The following DNM3 variants were observed in gnomAD, a reference collection of about 807,000 sequenced individuals.
The protein encoded by DNM3 is dynamin-3.
DNM3 carries 47 observed loss-of-function variants against 101.6 expected under a neutral mutation model. That is an observed-to-expected ratio of 0.46 (90% CI 0.37 to 0.59). DNM3 has a LOEUF of 0.59. Ranked by LOEUF, DNM3 falls within the 20% of genes least tolerant of loss-of-function variation. DNM3 has a pLI of 0.00. For missense variants in DNM3, 849 were observed against 1,085.7 expected (o/e 0.78, Z 3.06); for synonymous variants, 385 against 387.9 (o/e 0.99, Z 0.09).
chr1:171,968,607 T>C (rs1405644501), intron 2 of DNM3, among the ~76,000 whole-genome samples: 2 of 152,156 alleles, frequency 1.3e-5, no homozygotes, highest in Non-Finnish European at 2.9e-5. Context: ...AATAACTTAG[T>C]GTTGGCTTGG....
chr1:172,088,749 T>C (rs1379584637), intron 12 of DNM3, among the ~76,000 whole-genome samples: 2 of 152,208 alleles, frequency 1.3e-5, no homozygotes, highest in Non-Finnish European at 2.9e-5. Flanking sequence ...GTTCAGATCA[T>C]ATCATCTGAA....
rs149574846 is a variant in DNM3 at position 172,315,776 on chromosome 1, A to G, written c.1881+6937A>G. Among the ~76,000 whole-genome samples, 447 of 152,374 alleles carry G rather than the reference A, an allele frequency of 2.9e-3. 5 individuals are homozygous for G. The highest frequency in any genetic ancestry group is 9.9e-3 in the African/African-American group (412 of 41,590). Reference sequence around the variant, plus strand: ...TCTGCGTCTGATTGGTGTACCTGACAGTGACGGGGAGAATGGAACCAAGTT... The same window carrying G: ...TCTGCGTCTGATTGGTGTACCTGACGGTGACGGGGAGAATGGAACCAAGTT... On this transcript the variant is annotated intron_variant, in intron 16 of 20. Transcript: ENST00000627582.
intron 15 of DNM3, among the ~76,000 whole-genome samples, chr1:172,304,244 C>G (rs759095596): frequency 8.7e-6 from 1 of 115,506 alleles, no homozygotes; most frequent in Non-Finnish European, 1.7e-5. Flanking sequence ...ATCCTAGTCT[C>G]TGATAAAACA....
intron 13 of DNM3, among the ~76,000 whole-genome samples, chr1:172,124,513 T>G (rs966250211): frequency 4.6e-5 from 7 of 152,184 alleles, no homozygotes; most frequent in African/African-American, 1.7e-4. Flanking sequence ...TGCCTCCTGT[T>G]ACAAAATTTA....
chr1:172,032,870 TAC>T (rs2048714525), intron 5 of DNM3, among the ~76,000 whole-genome samples: 2 of 152,140 alleles, frequency 1.3e-5, no homozygotes, highest in Non-Finnish European at 2.9e-5. Flanking sequence ...TCTTAAAATG[TAC>T]ACAGTTTGAG....
chr1:172,212,148 A>C (rs2060535896), intron 14 of DNM3, among the ~76,000 whole-genome samples: 2 of 152,174 alleles, frequency 1.3e-5, no homozygotes, highest in Admixed American at 1.3e-4. Context: ...ATGAGAAAAA[A>C]AGGATATACA....
chr1:172,357,918 G>T (rs192531320), intron 17 of DNM3, among the ~76,000 whole-genome samples: 1 of 151,960 alleles, frequency 6.6e-6, no homozygotes, highest in Non-Finnish European at 1.5e-5. Flanking sequence ...TCAATGCATG[G>T]CTTCAGGAAA....
chr1:172,417,239 G>A (rs1004138069), downstream of DNM3, among the ~76,000 whole-genome samples: 7 of 152,092 alleles, frequency 4.6e-5, no homozygotes, highest in African/African-American at 1.7e-4. Context: ...TTCCTATAAT[G>A]TTGAGTTCAT....
chr1:172,212,209 C>T (rs965715306), intron 14 of DNM3, among the ~76,000 whole-genome samples: 1 of 152,026 alleles, frequency 6.6e-6, no homozygotes, highest in African/African-American at 2.4e-5. Flanking sequence ...GAAAGGATGT[C>T]GATTATGAGA....
intron 4 of DNM3, among the ~76,000 whole-genome samples, chr1:172,001,660 T>C (rs2046365526): frequency 6.6e-6 from 1 of 151,808 alleles, no homozygotes; most frequent in South Asian, 2.1e-4. Flanking sequence ...CTTCCTAGAG[T>C]ATAAAACCAT....
At chr1:172,277,579 AT>A (rs2063337170) in intron 15 of DNM3, among the ~76,000 whole-genome samples, 1 of 152,078 alleles carries the variant, frequency 6.6e-6, no homozygotes, top group South Asian at 2.1e-4. Flanking sequence ...GATGTACAAA[AT>A]TATGGTGTTT....
At chr1:171,970,241 T>G in intron 2 of DNM3, 1 of 536,640 alleles carries the variant, frequency 1.9e-6, no homozygotes, top group Non-Finnish European at 2.4e-6. Context: ...TGAAGAATAA[T>G]AAAGGTAAGA....
chr1:172,036,064 T>A (rs2048935463), intron 6 of DNM3, among the ~76,000 whole-genome samples: 1 of 150,550 alleles, frequency 6.6e-6, no homozygotes, highest in Non-Finnish European at 1.5e-5. Context: ...TGCAGGTTAG[T>A]TACATATGTA....
chr1:172,160,381 A>G (rs187879537), intron 14 of DNM3, among the ~76,000 whole-genome samples: 71 of 152,154 alleles, frequency 4.7e-4, no homozygotes, highest in African/African-American at 1.7e-3. Flanking sequence ...TGTAAAAAAA[A>G]TTTCTTTTTT....
intron 12 of DNM3, among the ~76,000 whole-genome samples, chr1:172,083,188 C>T (rs906726223): frequency 6.6e-6 from 1 of 152,164 alleles, no homozygotes. Flanking sequence ...ATCCTTATCC[C>T]TAGGTCCAGA....
chr1:172,048,282 A>G (rs1013072543), intron 9 of DNM3, among the ~76,000 whole-genome samples: 3 of 152,200 alleles, frequency 2.0e-5, no homozygotes, highest in African/African-American at 7.2e-5. Flanking sequence ...ATTTTAGTGT[A>G]TAAAAAGTGA....
At chr1:172,048,890 T>C (rs2050005330) in intron 10 of DNM3, 140 bp downstream of exon 10, 2 of 1,041,148 alleles carry the variant, frequency 1.9e-6, no homozygotes, top group Non-Finnish European at 2.8e-6. Context: ...TTGTGGAAAG[T>C]ACTGAGTGGG....
intron 4 of DNM3, among the ~76,000 whole-genome samples, chr1:172,029,738 C>A (rs1018254734): frequency 6.6e-6 from 1 of 152,142 alleles, no homozygotes; most frequent in Non-Finnish European, 1.5e-5. Context: ...GTGCAAAAAT[C>A]ACAAGCATTC....
chr1:172,150,127 C>G (rs555769064), intron 14 of DNM3, among the ~76,000 whole-genome samples: 94 of 152,198 alleles, frequency 6.2e-4, no homozygotes, highest in Non-Finnish European at 1.2e-3. Flanking sequence ...TTAGCTGTGT[C>G]CATTATAGAT....
Sources: gnomAD v4.1 joint callset for allele counts (sites outside exome capture counted in the v4.1 genomes callset) on GRCh38, gnomAD v4.1.1 for gene constraint, MANE v1.5 for transcripts, NCBI Gene and HGNC (gene_info 2026-07-23, HGNC 2026-07-21) for gene names.